Variants in IL20RB observed in about 807,000 individuals in gnomAD.
The protein encoded by IL20RB is interleukin-20 receptor subunit beta.
A neutral mutation model predicts 33.3 loss-of-function variants in IL20RB; 21 were observed. That is an observed-to-expected ratio of 0.63 (90% CI 0.45 to 0.91). The LOEUF (loss-of-function observed/expected upper bound fraction) is 0.91, where lower values mean the gene tolerates loss of function less well. IL20RB is among the 40% of genes least tolerant of loss of function. The pLI, the probability that IL20RB is intolerant of heterozygous loss-of-function variation, is 0.00. For synonymous variants in IL20RB, 147 were observed against 146.8 expected, an observed-to-expected ratio of 1.00 and a Z score of -0.01; for missense variants, 345 against 384.8, an observed-to-expected ratio of 0.90 and a Z score of 0.86.
rs750563889 is a variant in IL20RB, at chr3:136,992,006, A to C, written c.600A>C (p.Ala200=). ...TAGAAACCATGGAGCCAGGGGCTGC[A>C]TACTGTGTGAAGGCCCAGACATTCG... ...VHLETMEPGA[A]YCVKAQTFVK... is the part of the protein sequence containing the mutation. Residue 200 remains alanine, a synonymous_variant, in exon 5 of 7, where the codon GCA becomes GCC. Coordinates refer to ENST00000329582, the MANE Select transcript of IL20RB (RefSeq NM_144717.4). 2 of 1,614,242 alleles carry C rather than the reference A, an allele frequency of 1.2e-6. No individual in the cohort carries two copies. The highest frequency in any genetic ancestry group is 2.2e-5 in the South Asian group (2 of 91,088).
At chr3:136,995,602 T>C (rs1445901542) in intron 6 of IL20RB, 46 bp downstream of exon 6, 1 of 1,598,642 alleles carries the variant, frequency 6.3e-7, no homozygotes, top group South Asian at 1.1e-5. Context: ...ACTGACCAGA[T>C]GTAGTTTGGG....
At chr3:136,973,256 T>G (rs1397949137) in intron 1 of IL20RB, among the ~76,000 whole-genome samples, 20 of 150,504 alleles carry the variant, frequency 1.3e-4, no homozygotes, top group African/African-American at 4.9e-4. Context: ...CCAAGATGGG[T>G]GGATCACAAG....
chr3:136,997,089 T>C (rs531167047), intron 6 of IL20RB, among the ~76,000 whole-genome samples: 158 of 152,080 alleles, frequency 1.0e-3, no homozygotes, highest in Middle Eastern at 6.8e-3. Context: ...ATATCTGTTT[T>C]TCTCTCTCTC....
intron 1 of IL20RB, among the ~76,000 whole-genome samples, chr3:136,963,743 G>T (rs1577007671): frequency 9.0e-6 from 1 of 111,310 alleles, no homozygotes. Flanking sequence ...TGCACATTGT[G>T]CAGGTTAGTT....
chr3:136,964,587 G>C (rs1941320860), intron 1 of IL20RB, among the ~76,000 whole-genome samples: 1 of 77,748 alleles, frequency 1.3e-5, no homozygotes, highest in Admixed American at 1.7e-4. Context: ...GTAGATTCTG[G>C]ATATTAGCCC....
intron 1 of IL20RB, among the ~76,000 whole-genome samples, chr3:136,975,688 G>A (rs563094684): frequency 3.9e-5 from 6 of 152,278 alleles, no homozygotes; most frequent in Admixed American, 3.9e-4. Flanking sequence ...TAGTATATGT[G>A]ATTTCATCAG....
intron 1 of IL20RB, among the ~76,000 whole-genome samples, chr3:136,971,261 G>T (rs1941476594): frequency 6.6e-6 from 1 of 152,120 alleles, no homozygotes; most frequent in Non-Finnish European, 1.5e-5. Flanking sequence ...CTCCCAAGTA[G>T]CTGGGACTAT....
At position 137,003,673 on chromosome 3, in the gene IL20RB, C is replaced by T. The variant is rs528984595; in HGVS notation, c.826-6440C>T. ...AGCTTAAGGAGATTTTGGGCTGAGA[C>T]GATGGGGTTTTCTAAATATACAATC... On this transcript the variant is annotated intron_variant, in intron 6 of 6. Transcript: ENST00000329582. Among the ~76,000 whole-genome samples, 4 of 152,224 alleles carry T rather than the reference C, an allele frequency of 2.6e-5. No homozygotes were observed. The South Asian group carries it at 8.3e-4, about 32-fold the overall frequency.
At chr3:136,996,480 T>A (rs1056544800) in intron 6 of IL20RB, among the ~76,000 whole-genome samples, 5 of 152,176 alleles carry the variant, frequency 3.3e-5, no homozygotes, top group African/African-American at 1.2e-4. Flanking sequence ...AACTTATACA[T>A]GCCCATAGCT....
At chr3:136,994,521 T>G (rs935620067) in intron 5 of IL20RB, among the ~76,000 whole-genome samples, 1 of 152,296 alleles carries the variant, frequency 6.6e-6, no homozygotes, top group East Asian at 1.9e-4. Flanking sequence ...ATGGAAACAA[T>G]GTACAGTGCC....
At position 136,980,565 on chromosome 3, in the gene IL20RB, C is replaced by T; in HGVS notation, c.188C>T (p.Thr63Ile). The T allele has an allele frequency of 6.2e-7, 1 of 1,614,186 alleles. No homozygotes were observed. Among genetic ancestry groups the T allele is most frequent in the African/African-American group, 1.3e-5 (1 of 75,032 alleles). Residue 63 changes from threonine (T) to isoleucine (I), a missense_variant, in exon 2 of 7, where the codon ACA (threonine) becomes ATA (isoleucine). Thr to Ile is a moderately conservative substitution (Grantham distance 89). Coordinates refer to ENST00000329582, the MANE Select transcript of IL20RB (RefSeq NM_144717.4). The part of the protein sequence containing the change: ...MWSPVIAPGE[T>I]VYYSVEYQGE... ...AGCCCAGTGATCGCGCCTGGAGAAA[C>T]AGTGTACTATTCTGTCGAATACCAG...
chr3:137,005,317 C>G (rs538348522), intron 6 of IL20RB, among the ~76,000 whole-genome samples: 1 of 152,230 alleles, frequency 6.6e-6, no homozygotes, highest in South Asian at 2.1e-4. Flanking sequence ...TCCTGGATAT[C>G]CTTGTTAACC....
intron 3 of IL20RB, among the ~76,000 whole-genome samples, chr3:136,988,035 G>A (rs930135741): frequency 3.3e-5 from 5 of 152,224 alleles, no homozygotes; most frequent in South Asian, 2.1e-4. Flanking sequence ...AGGGGCTCCC[G>A]CAGTGCAGCG....
intron 3 of IL20RB, among the ~76,000 whole-genome samples, chr3:136,988,802 G>A (rs1262099419): frequency 6.6e-6 from 1 of 152,094 alleles, no homozygotes; most frequent in African/African-American, 2.4e-5. Flanking sequence ...GAACTGGGCT[G>A]AGAATAGAAT....
chr3:136,960,138 C>CTT lies in IL20RB; in HGVS notation c.88+1966_88+1967dup, dbSNP rs10540948. ...ACTGGGCAGATGGGTAGAGTTGTGG[C>CTT]TTTTTTTTTTTTTTTTTTTTTTTTT... On this transcript the variant is annotated intron_variant, in intron 1 of 6. Transcript: ENST00000329582. 2.8e-3 allele frequency among the ~76,000 whole-genome samples: 102 copies of CTT among 36,202 alleles called. 23 individuals are homozygous for CTT. Among genetic ancestry groups the CTT allele is most frequent in the African/African-American group, 7.4e-3 (69 of 9,318 alleles). The allele number at this position is 36,202 out of a possible 152,430, so 23.7% of individuals were successfully genotyped here.
intron 3 of IL20RB, among the ~76,000 whole-genome samples, chr3:136,982,685 C>T (rs1941805975): frequency 1.1e-5 from 1 of 88,196 alleles, no homozygotes; most frequent in Non-Finnish European, 2.2e-5. Context: ...CTGATTGTGC[C>T]TCCATAAATT....
intron 6 of IL20RB, among the ~76,000 whole-genome samples, chr3:137,007,853 C>A (rs376044611): frequency 7.9e-5 from 12 of 152,198 alleles, no homozygotes; most frequent in African/African-American, 9.7e-5. Flanking sequence ...ATGCAGAAAT[C>A]ACCCATCTTC....
chr3:136,989,669 G>A (rs1330578954), intron 4 of IL20RB, 104 bp downstream of exon 4: 2 of 1,320,432 alleles, frequency 1.5e-6, no homozygotes, highest in African/African-American at 1.5e-5. Context: ...GTGACCTGGG[G>A]ATGAGCAGTC....
chr3:137,001,924 C>T (rs1394223943), intron 6 of IL20RB, among the ~76,000 whole-genome samples: 1 of 152,088 alleles, frequency 6.6e-6, no homozygotes, highest in Admixed American at 6.6e-5. Flanking sequence ...TATCCCTCCC[C>T]CAAGTCCACC....
Sources: allele counts gnomAD v4.1 joint callset (sites outside exome capture counted in the v4.1 genomes callset), GRCh38; gene constraint gnomAD v4.1.1; transcripts MANE v1.5; gene names NCBI Gene and HGNC (gene_info 2026-07-23, HGNC 2026-07-21).